The following BLTP3B variants were observed in gnomAD, a reference collection of about 807,000 sequenced individuals.
BLTP3B encodes the protein UHRF1 (ICBP90) binding protein 1-like.
the BLTP3B span, chr12:100,086,375 G>GGC: frequency 3.0e-6 from 2 of 675,252 alleles, no homozygotes; most frequent in Non-Finnish European, 4.8e-6. Flanking sequence ...AAAAAAAAGG[G>GGC]GGGGGGGGAA....
At chr12:100,064,098 A>C in the BLTP3B span, among the ~76,000 whole-genome samples, 1 of 152,194 alleles carries the variant, frequency 6.6e-6, no homozygotes, top group Non-Finnish European at 1.5e-5. Context: ...AACCAATCAA[A>C]ACTTCAGGAA....
the BLTP3B span, chr12:100,142,571 G>A: frequency 6.2e-7 from 1 of 1,606,164 alleles, no homozygotes; most frequent in Non-Finnish European, 8.5e-7. Flanking sequence ...GACTGGCGCC[G>A]ACACCGAGGC....
the BLTP3B span, chr12:100,057,851 A>T: frequency 7.6e-7 from 1 of 1,313,194 alleles, no homozygotes; most frequent in Non-Finnish European, 1.0e-6. Context: ...CATAGCTGAA[A>T]TTATATTTAA....
the BLTP3B span, chr12:100,058,130 A>G: frequency 1.2e-6 from 2 of 1,613,324 alleles, no homozygotes; most frequent in African/African-American, 2.7e-5. Flanking sequence ...GCAAATCTTC[A>G]GCTTTAAAGA....
At chr12:100,057,953 A>C in the BLTP3B span, 331 of 1,483,488 alleles carry the variant, frequency 2.2e-4, no homozygotes, top group Non-Finnish European at 2.8e-4. Flanking sequence ...TTCTGCCTCA[A>C]AACAAAATAC....
the BLTP3B span, among the ~76,000 whole-genome samples, chr12:100,114,771 C>T: frequency 2.0e-5 from 3 of 152,180 alleles, no homozygotes; most frequent in African/African-American, 7.2e-5. Context: ...CCTTTCACAG[C>T]CCATGGGCCT....
At chr12:100,098,661 G>T in the BLTP3B span, 1 of 1,050,850 alleles carries the variant, frequency 9.5e-7, no homozygotes, top group South Asian at 1.9e-5. Context: ...CAGCACTTTG[G>T]GAGGCTGAGG....
At chr12:100,107,865 G>T in the BLTP3B span, among the ~76,000 whole-genome samples, 1 of 152,066 alleles carries the variant, frequency 6.6e-6, no homozygotes, top group African/African-American at 2.4e-5. Context: ...TTCCCAAGTA[G>T]CTGGGCCTAC....
At chr12:100,043,088 C>G in the BLTP3B span, among the ~76,000 whole-genome samples, 2 of 152,284 alleles carry the variant, frequency 1.3e-5, no homozygotes, top group African/African-American at 4.8e-5. Flanking sequence ...CGTGAGCCAC[C>G]ACGCCCAGCC....
chr12:100,102,110 C>CTTTTTTT, the BLTP3B span, among the ~76,000 whole-genome samples: 316 of 135,050 alleles, frequency 2.3e-3, 3 homozygotes, highest in African/African-American at 8.5e-3. Context: ...CAACTTAACT[C>CTTTTTTT]TTTTTTTTTT....
At chr12:100,042,482 C>T in the BLTP3B span, among the ~76,000 whole-genome samples, 1 of 152,188 alleles carries the variant, frequency 6.6e-6, no homozygotes, top group Non-Finnish European at 1.5e-5. Flanking sequence ...ACCCATGTGT[C>T]TTTAATCCTT....
At chr12:100,053,185 A>T in the BLTP3B span, among the ~76,000 whole-genome samples, 7 of 151,884 alleles carry the variant, frequency 4.6e-5, no homozygotes, top group East Asian at 9.9e-4. Context: ...CGGGTGGATT[A>T]TCTGAGGTCA....
At chr12:100,088,017 T>C in the BLTP3B span, among the ~76,000 whole-genome samples, 1 of 152,164 alleles carries the variant, frequency 6.6e-6, no homozygotes, top group African/African-American at 2.4e-5. Context: ...CCTTTGCCCC[T>C]CCAACCTTTT....
At chr12:100,051,198 T>C in the BLTP3B span, 1 of 1,608,740 alleles carries the variant, frequency 6.2e-7, no homozygotes, top group African/African-American at 1.3e-5. Context: ...CCCCTGTAAT[T>C]TGTAGTTGAG....
At chr12:100,052,432 A>G in the BLTP3B span, among the ~76,000 whole-genome samples, 1 of 152,148 alleles carries the variant, frequency 6.6e-6, no homozygotes, top group East Asian at 1.9e-4. Context: ...GAGTGGATAA[A>G]ATAATGAGTG....
the BLTP3B span, among the ~76,000 whole-genome samples, chr12:100,130,705 C>T: frequency 6.6e-6 from 1 of 152,058 alleles, no homozygotes; most frequent in African/African-American, 2.4e-5. Flanking sequence ...CACCTGAGGT[C>T]AGGAGTTTGA....
chr12:100,042,840 T>C, the BLTP3B span, among the ~76,000 whole-genome samples: 1 of 152,160 alleles, frequency 6.6e-6, no homozygotes, highest in Non-Finnish European at 1.5e-5. Context: ...TGCTCTGTTG[T>C]TCAGGCTGGA....
the BLTP3B span, among the ~76,000 whole-genome samples, chr12:100,075,931 C>G: frequency 2.0e-5 from 3 of 152,052 alleles, no homozygotes; most frequent in East Asian, 5.8e-4. Context: ...AAAAAGGGAA[C>G]AACAGACACT....
the BLTP3B span, chr12:100,058,780 ACT>A: frequency 6.2e-7 from 1 of 1,613,964 alleles, no homozygotes; most frequent in Admixed American, 1.7e-5. Context: ...AGGATAAGTG[ACT>A]CATGCAGGAA....
Sources: allele counts gnomAD v4.1 joint callset (sites outside exome capture counted in the v4.1 genomes callset), GRCh38; gene constraint gnomAD v4.1.1; transcripts MANE v1.5; gene names NCBI Gene and HGNC (gene_info 2026-07-23, HGNC 2026-07-21).